Variants in TMPRSS15 observed in about 807,000 individuals in gnomAD.
The protein encoded by TMPRSS15 is enteropeptidase.
Under a neutral mutation model 125.3 loss-of-function variants are expected in TMPRSS15, and 128 were observed. The observed-to-expected ratio is 1.02, with a 90% confidence interval of 0.89 to 1.18. The LOEUF (loss-of-function observed/expected upper bound fraction) is 1.18. TMPRSS15 is among the 50% of genes most tolerant of loss of function. TMPRSS15 has a pLI of 0.00. For missense variants in TMPRSS15, 1,283 were observed against 1,212.7 expected, an observed-to-expected ratio of 1.06 and a Z score of -0.86; for synonymous variants, 446 against 423.2, an observed-to-expected ratio of 1.05 and a Z score of -0.66.
At chr21:18,379,160 C>T (rs2075869475) in intron 5 of TMPRSS15, 123 bp downstream of exon 5, 3 of 395,642 alleles carry the variant, frequency 7.6e-6, no homozygotes, top group Non-Finnish European at 1.3e-5. Flanking sequence ...CTCTTGATTT[C>T]TTGTCTATAA....
intron 21 of TMPRSS15, among the ~76,000 whole-genome samples, chr21:18,286,020 A>G (rs2074759237): frequency 6.6e-6 from 1 of 152,224 alleles, no homozygotes; most frequent in African/African-American, 2.4e-5. Context: ...AACAGAAGTA[A>G]GTACAGCAAA....
chr21:18,305,735 C>T (rs17836380), intron 18 of TMPRSS15, among the ~76,000 whole-genome samples: 16,013 of 152,186 alleles, frequency 0.11, 1,190 homozygotes, highest in East Asian at 0.35. Flanking sequence ...ATCACTGTGC[C>T]TTCCCCCACC....
intron 1 of TMPRSS15, among the ~76,000 whole-genome samples, chr21:18,441,869 T>C (rs1310561522): frequency 6.6e-6 from 1 of 151,720 alleles, no homozygotes; most frequent in African/African-American, 2.4e-5. Context: ...TTTTGTACTG[T>C]TAGTAGAGAC....
At chr21:18,466,137 A>T (rs147965369) in intron 1 of TMPRSS15, among the ~76,000 whole-genome samples, 3,214 of 152,310 alleles carry the variant, frequency 0.021, 123 homozygotes, top group African/African-American at 0.073. Context: ...TCTTTGAAAA[A>T]TCTGACAAAA....
At chr21:18,353,656 C>T in intron 9 of TMPRSS15, 67 bp downstream of exon 9, 1 of 1,472,660 alleles carries the variant, frequency 6.8e-7, no homozygotes, top group Non-Finnish European at 9.3e-7. Context: ...ATTCTGCTAC[C>T]TTTAAAATTC....
At position 18,389,167 on chromosome 21, in the gene TMPRSS15, AAAAG is replaced by A. The variant is rs528683585; in HGVS notation, c.345-5393_345-5390del. Among the ~76,000 whole-genome samples the A allele has an allele frequency of 4.8e-3, 729 of 151,808 alleles. 1 individual carries two copies. Among genetic ancestry groups the A allele is most frequent in the South Asian group, 0.013 (63 of 4,786 alleles). On this transcript the variant is annotated intron_variant, in intron 3 of 24. Transcript: ENST00000284885. ...AAAGAAAGACAAGAGAAAGAAAAGA[AAAAG>A]AAAGAAAGGAAAGAAGGAAGGAAGG...
At chr21:18,376,623 T>C (rs1014840275) in intron 5 of TMPRSS15, among the ~76,000 whole-genome samples, 3 of 152,174 alleles carry the variant, frequency 2.0e-5, no homozygotes, top group Non-Finnish European at 4.4e-5. Flanking sequence ...CTGCGGCTAT[T>C]GCTGTAAGTA....
chr21:18,435,599 G>C (rs2076226038), intron 1 of TMPRSS15, among the ~76,000 whole-genome samples: 1 of 151,968 alleles, frequency 6.6e-6, no homozygotes, highest in African/African-American at 2.4e-5. Context: ...TCTCTTTTTT[G>C]GTTGTGTCTC....
chr21:18,446,965 A>G (rs2076257044), intron 1 of TMPRSS15, among the ~76,000 whole-genome samples: 1 of 152,244 alleles, frequency 6.6e-6, no homozygotes, highest in Non-Finnish European at 1.5e-5. Flanking sequence ...GCTTCTGGAC[A>G]GTAAAGGAAA....
intron 14 of TMPRSS15, among the ~76,000 whole-genome samples, chr21:18,330,624 T>C (rs1272615205): frequency 1.3e-5 from 2 of 152,240 alleles, no homozygotes. Context: ...CATTTGTGTC[T>C]TCTTTACTTA....
At chr21:18,444,789 G>A (rs1016973926) in intron 1 of TMPRSS15, among the ~76,000 whole-genome samples, 10 of 151,910 alleles carry the variant, frequency 6.6e-5, no homozygotes, top group Admixed American at 2.0e-4. Flanking sequence ...GCAATGGAAT[G>A]CCAGAACATT....
At position 18,284,249 on chromosome 21, in the gene TMPRSS15, A is replaced by G. The variant is rs939075778; in HGVS notation, c.2487-3028T>C. Among the ~76,000 whole-genome samples, 19 of 152,276 alleles carry G rather than the reference A, an allele frequency of 1.2e-4. 2 individuals carry two copies. Among genetic ancestry groups the G allele is most frequent in the Admixed American group, 1.2e-3 (18 of 15,294 alleles). ...CCACCACAAAACCAACACTAGCACA[A>G]GCACCACCAGTACTACTCCATCTGG... On this transcript the variant is annotated intron_variant, in intron 21 of 24. Transcript: ENST00000284885.
intron 1 of TMPRSS15, among the ~76,000 whole-genome samples, chr21:18,417,181 T>C (rs1254277958): frequency 1.3e-5 from 2 of 152,222 alleles, no homozygotes; most frequent in Middle Eastern, 3.4e-3. Flanking sequence ...TCATTATTTA[T>C]TTGGCACTTC....
At chr21:18,279,751 T>C (rs1348136095) in intron 22 of TMPRSS15, among the ~76,000 whole-genome samples, 2 of 152,162 alleles carry the variant, frequency 1.3e-5, no homozygotes, top group Non-Finnish European at 2.9e-5. Context: ...CTGAAAATTA[T>C]GGTAAGGATG....
At chr21:18,467,174 C>A (rs182506327) in intron 1 of TMPRSS15, among the ~76,000 whole-genome samples, 92 of 152,222 alleles carry the variant, frequency 6.0e-4, no homozygotes, top group African/African-American at 2.0e-3. Context: ...AAACCAAACA[C>A]TGCATGTTCT....
At chr21:18,424,788 G>C (rs7281405) in intron 1 of TMPRSS15, among the ~76,000 whole-genome samples, 113,590 of 151,274 alleles carry the variant, frequency 0.75, 43,317 homozygotes, top group East Asian at 0.89. Flanking sequence ...AAGAAAGCAA[G>C]AACAACTAGT....
At chr21:18,287,421 A>G (rs1198933553) in intron 21 of TMPRSS15, among the ~76,000 whole-genome samples, 1 of 152,148 alleles carries the variant, frequency 6.6e-6, no homozygotes, top group Admixed American at 6.5e-5. Context: ...TTTAATGTTT[A>G]GAGTCTCAAA....
At chr21:18,401,726 C>A (rs2076096290) in intron 1 of TMPRSS15, among the ~76,000 whole-genome samples, 1 of 152,026 alleles carries the variant, frequency 6.6e-6, no homozygotes, top group South Asian at 2.1e-4. Flanking sequence ...CCCCCTGAAT[C>A]TAAAATAATA....
chr21:18,450,254 T>A (rs2076264917), intron 1 of TMPRSS15, among the ~76,000 whole-genome samples: 2 of 152,048 alleles, frequency 1.3e-5, no homozygotes, highest in African/African-American at 4.8e-5. Flanking sequence ...GCAAATTTCA[T>A]TGTTTTACAT....
Sources: gnomAD v4.1 joint callset for allele counts (sites outside exome capture counted in the v4.1 genomes callset) on GRCh38, gnomAD v4.1.1 for gene constraint, MANE v1.5 for transcripts, NCBI Gene and HGNC (gene_info 2026-07-23, HGNC 2026-07-21) for gene names.